The following LRP1B variants were observed in gnomAD, a reference collection of about 807,000 sequenced individuals.
LRP1B encodes the protein LDL receptor related protein 1B.
Under a neutral mutation model 556.6 loss-of-function variants are expected in LRP1B, and 217 were observed. The observed-to-expected ratio is 0.39, with a 90% CI of 0.35 to 0.44. The LOEUF (loss-of-function observed/expected upper bound fraction) is 0.44, where lower values mean the gene tolerates loss of function less well. Ranked by LOEUF, LRP1B falls within the 20% of genes least tolerant of loss-of-function variation. The probability of loss-of-function intolerance (pLI) is 1.00; values close to 1 mark genes in which losing one functional copy is unlikely to be tolerated. For synonymous variants in LRP1B, 2,047 were observed against 1,865.8 expected (o/e 1.10, Z -2.50); for missense variants, 5,053 against 5,620.8 (o/e 0.90, Z 3.23).
chr2:141,915,294 A>T, intron 1 of LRP1B, among the ~76,000 whole-genome samples: 1 of 152,194 alleles, frequency 6.6e-6, no homozygotes, highest in East Asian at 1.9e-4. Flanking sequence ...GGCTAGCCAC[A>T]TGAAGGAGAA....
At chr2:142,061,129 T>A (rs1200812943) in intron 1 of LRP1B, among the ~76,000 whole-genome samples, 1 of 152,042 alleles carries the variant, frequency 6.6e-6, no homozygotes, top group Non-Finnish European at 1.5e-5. Flanking sequence ...ACAGATTCAA[T>A]GTACTTTTCA....
At chr2:141,403,556 G>A (rs7569029) in intron 3 of LRP1B, among the ~76,000 whole-genome samples, 8,788 of 152,092 alleles carry the variant, frequency 0.058, 467 homozygotes, top group African/African-American at 0.14. Context: ...TTTTAGCTAA[G>A]TTTCAAAACA....
At chr2:142,100,663 G>C (rs370291914) in intron 1 of LRP1B, among the ~76,000 whole-genome samples, 2 of 151,936 alleles carry the variant, frequency 1.3e-5, no homozygotes, top group Non-Finnish European at 2.9e-5. Flanking sequence ...ATAATTGTAA[G>C]TGAAAAATAA....
intron 2 of LRP1B, among the ~76,000 whole-genome samples, chr2:141,686,046 A>G (rs968981885): frequency 6.6e-6 from 1 of 152,024 alleles, no homozygotes; most frequent in African/African-American, 2.4e-5. Context: ...GAGGCAAGTA[A>G]AAATTACCAG....
chr2:140,548,915 A>G (rs969940445), intron 43 of LRP1B, among the ~76,000 whole-genome samples: 2 of 152,114 alleles, frequency 1.3e-5, no homozygotes, highest in African/African-American at 4.8e-5. Flanking sequence ...ACAGAGCAAG[A>G]CTCTGTCTCA....
At chr2:140,520,414 T>C (rs1236553624) in intron 49 of LRP1B, among the ~76,000 whole-genome samples, 16 of 152,032 alleles carry the variant, frequency 1.1e-4, no homozygotes, top group Middle Eastern at 3.4e-3. Context: ...ATGAGAACAC[T>C]TGGACACAGG....
intron 1 of LRP1B, among the ~76,000 whole-genome samples, chr2:141,880,481 A>C (rs1011654537): frequency 5.9e-5 from 9 of 152,052 alleles, no homozygotes; most frequent in Non-Finnish European, 1.0e-4. Flanking sequence ...ACGAAAAAGA[A>C]ACCTACAAGC....
rs769728936 is a variant in LRP1B, at chr2:141,714,476, A to AT, written c.205+95802dup. Among the ~76,000 whole-genome samples, 1,105 of 120,308 alleles carry AT rather than the reference A, an allele frequency of 9.2e-3. 19 individuals are homozygous for AT. The highest frequency in any genetic ancestry group is 0.029 in the African/African-American group (963 of 33,280). The allele number at this position is 120,308 out of a possible 152,430, so 78.9% of individuals were successfully genotyped here. A position where few individuals can be genotyped will look rare whatever the true frequency, so the allele number is the denominator to read the frequency against. On this transcript the variant is annotated intron_variant, in intron 2 of 90. Coordinates refer to ENST00000389484, the MANE Select transcript of LRP1B (RefSeq NM_018557.3). ...TTTTTTTTTTTCCTATATTTTAAGT[A>AT]TTTTTTTTTTTTTTTTAGGTTTTGG...
intron 1 of LRP1B, among the ~76,000 whole-genome samples, chr2:142,044,483 G>T: frequency 6.6e-6 from 1 of 151,828 alleles, no homozygotes; most frequent in Non-Finnish European, 1.5e-5. Context: ...AAAGATGAGC[G>T]CACAGTAGGC....
At chr2:140,977,354 T>C (rs1325726059) in intron 18 of LRP1B, among the ~76,000 whole-genome samples, 1 of 152,166 alleles carries the variant, frequency 6.6e-6, no homozygotes, top group Non-Finnish European at 1.5e-5. Context: ...CTTCTATAAA[T>C]CCAGTTAAAC....
At chr2:140,596,904 C>T (rs944973065) in intron 43 of LRP1B, among the ~76,000 whole-genome samples, 2 of 152,094 alleles carry the variant, frequency 1.3e-5, no homozygotes, top group East Asian at 1.9e-4. Context: ...GTATCTAGAA[C>T]ACAATTAGCA....
At chr2:140,989,776 GT>G in intron 16 of LRP1B, 119 bp from the exon 17 acceptor site, 1 of 905,182 alleles carries the variant, frequency 1.1e-6, no homozygotes, top group Non-Finnish European at 1.7e-6. Context: ...ATGTCATAGA[GT>G]CTGTCATTCA....
At chr2:140,244,070 G>T (rs1415723353) in intron 87 of LRP1B, among the ~76,000 whole-genome samples, 3 of 151,156 alleles carry the variant, frequency 2.0e-5, no homozygotes, top group Admixed American at 6.6e-5. Context: ...ATGAGAAGAA[G>T]CACTGTCTGC....
chr2:141,467,299 G>A (rs1003032736), intron 3 of LRP1B, among the ~76,000 whole-genome samples: 1 of 148,150 alleles, frequency 6.7e-6, no homozygotes, highest in East Asian at 1.9e-4. Context: ...TAACTTCGGA[G>A]GTTTGGAAAC....
chr2:141,604,682 A>G (rs1268657392), intron 2 of LRP1B, among the ~76,000 whole-genome samples: 1 of 152,026 alleles, frequency 6.6e-6, no homozygotes, highest in Admixed American at 6.6e-5. Flanking sequence ...TTGAATATTC[A>G]AAAACCAATC....
At chr2:141,672,441 A>G (rs1259103838) in intron 2 of LRP1B, among the ~76,000 whole-genome samples, 1 of 152,282 alleles carries the variant, frequency 6.6e-6, no homozygotes, top group Non-Finnish European at 1.5e-5. Flanking sequence ...ATTCTATGCT[A>G]TTTCTAGTCT....
chr2:140,670,531 TC>T (rs2105357192), intron 41 of LRP1B, among the ~76,000 whole-genome samples: 1 of 152,218 alleles, frequency 6.6e-6, no homozygotes, highest in East Asian at 1.9e-4. Flanking sequence ...GGCAGTGAGG[TC>T]CCCAGATCCT....
At chr2:141,519,393 ATATATATATG>A (rs1684452109) in intron 2 of LRP1B, among the ~76,000 whole-genome samples, 1 of 20,668 alleles carries the variant, frequency 4.8e-5, no homozygotes. Context: ...ATATATATAT[ATATATATATG>A]AAATGCAATA....
At chr2:140,265,926 C>A (rs1310076822) in intron 86 of LRP1B, among the ~76,000 whole-genome samples, 1 of 151,890 alleles carries the variant, frequency 6.6e-6, no homozygotes, top group African/African-American at 2.4e-5. Flanking sequence ...CATTTTAGTA[C>A]CATGTGATTT....
Sources: gnomAD v4.1 joint callset for allele counts (sites outside exome capture counted in the v4.1 genomes callset) on GRCh38, gnomAD v4.1.1 for gene constraint, MANE v1.5 for transcripts, NCBI Gene and HGNC (gene_info 2026-07-23, HGNC 2026-07-21) for gene names.